The following DIP2C variants were observed in gnomAD, a reference collection of about 807,000 sequenced individuals.
DIP2C encodes disco-interacting protein 2 homolog C.
DIP2C carries 33 observed loss-of-function variants against 192.4 expected under a neutral mutation model. The observed-to-expected ratio is 0.17, with a 90% CI of 0.13 to 0.23. The LOEUF (loss-of-function observed/expected upper bound fraction) is 0.23, where lower values mean the gene tolerates loss of function less well. Ranked by LOEUF, DIP2C falls within the 10% of genes least tolerant of loss-of-function variation. The probability of loss-of-function intolerance (pLI) is 1.00; values close to 1 mark genes in which losing one functional copy is unlikely to be tolerated. For synonymous variants in DIP2C, 979 were observed against 864.1 expected (o/e 1.13, Z -2.33); for missense variants, 1,537 against 2,110.1 (o/e 0.73, Z 5.32).
At chr10:582,138 A>G (rs1850706975) in intron 1 of DIP2C, among the ~76,000 whole-genome samples, 1 of 152,120 alleles carries the variant, frequency 6.6e-6, no homozygotes, top group South Asian at 2.1e-4. Context: ...ATGCTCACTC[A>G]CCGGCCACCC....
At position 369,629 on chromosome 10, in the gene DIP2C, T is replaced by C. The variant is rs748667899; in HGVS notation, c.1996A>G (p.Thr666Ala). 1 of 1,614,122 alleles carries C rather than the reference T, an allele frequency of 6.2e-7. No individual in the cohort carries two copies. The highest frequency in any genetic ancestry group is 8.5e-7 in the Non-Finnish European group (1 of 1,179,998). The change falls in exon 18 of 37, where the codon ACG (threonine) becomes GCG (alanine). Residue 666 changes from threonine to alanine, a missense_variant. Thr to Ala is a moderately conservative substitution (Grantham distance 58, BLOSUM62 0). Transcript: ENST00000280886. ...CCCGGGGGCTGGTTACTGTCATCCG[T>C]GGGCCTGTAATGACAGTTTTTAACT... is the stretch of plus-strand genomic sequence containing the variant. ...EALTVAIRRP[T>A]DDSNQPPGRG... is the part of the protein sequence containing the mutation.
chr10:355,048 G>T (rs867996885), intron 24 of DIP2C, among the ~76,000 whole-genome samples: 34 of 152,036 alleles, frequency 2.2e-4, no homozygotes, highest in African/African-American at 8.0e-4. Flanking sequence ...AAAGTGGAAG[G>T]TGGGCATTTC....
At chr10:642,544 T>A (rs11815644) in intron 1 of DIP2C, among the ~76,000 whole-genome samples, 1 of 152,216 alleles carries the variant, frequency 6.6e-6, no homozygotes, top group East Asian at 1.9e-4. Context: ...TCCTAACACA[T>A]TGGCCAACAC....
intron 1 of DIP2C, among the ~76,000 whole-genome samples, chr10:614,577 G>A (rs371561428): frequency 2.0e-5 from 3 of 152,200 alleles, no homozygotes; most frequent in Admixed American, 6.5e-5. Context: ...AACTGGAAAC[G>A]TCCCAATCTG....
intron 2 of DIP2C, among the ~76,000 whole-genome samples, chr10:477,850 G>A (rs1386859595): frequency 1.4e-5 from 2 of 138,540 alleles, no homozygotes; most frequent in African/African-American, 5.5e-5. Context: ...AAGAAAAAAG[G>A]AGAAGTGAAG....
chr10:282,770 T>C (rs1954902078), intron 35 of DIP2C, among the ~76,000 whole-genome samples: 2 of 152,244 alleles, frequency 1.3e-5, no homozygotes, highest in Admixed American at 1.3e-4. Flanking sequence ...TACTCTCTGA[T>C]GAATGCATGG....
At position 364,430 on chromosome 10, in the gene DIP2C, G is replaced by A. The variant is rs373350397; in HGVS notation, c.2421C>T (p.Asp807=). The A allele has an allele frequency of 4.2e-5, 68 of 1,613,944 alleles. No individual in the cohort carries two copies. Among genetic ancestry groups the A allele is most frequent in the East Asian group, 4.0e-4 (18 of 44,896 alleles). Residue 807 remains aspartate, a synonymous_variant, in exon 20 of 37, where the codon GAC becomes GAT. Transcript: ENST00000280886. Reference sequence around the variant, plus strand: ...CGGCCAGCGCAGTGGCCACGATGTCGTCGGCGTTGTGCCTGCGCCCGCTGA... The same window carrying A: ...CGGCCAGCGCAGTGGCCACGATGTCATCGGCGTTGTGCCTGCGCCCGCTGA... ...MVVSGRRHNA[D]DIVATALAVE...
intron 1 of DIP2C, among the ~76,000 whole-genome samples, chr10:595,580 C>T (rs527963649): frequency 6.6e-6 from 1 of 152,090 alleles, no homozygotes; most frequent in African/African-American, 2.4e-5. Flanking sequence ...TACCTTGAAG[C>T]CTTTTTAGAA....
intron 2 of DIP2C, among the ~76,000 whole-genome samples, chr10:478,542 G>C (rs1843348255): frequency 6.6e-6 from 1 of 151,406 alleles, no homozygotes; most frequent in Admixed American, 6.6e-5. Flanking sequence ...GCATGCTGGG[G>C]GTGTAGACAC....
At chr10:398,164 C>T (rs1964142781) in intron 10 of DIP2C, among the ~76,000 whole-genome samples, 1 of 152,180 alleles carries the variant, frequency 6.6e-6, no homozygotes, top group Non-Finnish European at 1.5e-5. Context: ...CTTTCCAGGT[C>T]CTTTTCCTGA....
intron 2 of DIP2C, among the ~76,000 whole-genome samples, chr10:483,745 G>A (rs922895678): frequency 1.2e-4 from 19 of 152,336 alleles, no homozygotes; most frequent in African/African-American, 3.8e-4. Context: ...GCCAGGAGGC[G>A]AGGCGGGGTG....
chr10:363,935 G>C lies in DIP2C; in HGVS notation c.2477+439C>G, dbSNP rs773422094. ...GAACCGTGGCAACTTATTTCATCACGGAGCCTCCACTGTGCACCAGGCAAG... is the reference window on the plus strand; with the variant it reads ...GAACCGTGGCAACTTATTTCATCACCGAGCCTCCACTGTGCACCAGGCAAG... On this transcript the variant is annotated intron_variant, in intron 20 of 36. Transcript: ENST00000280886. This position sits in a 1 kb window ranked among gnomAD's most constrained non-coding sequence, Gnocchi z 5.4. Among the ~76,000 whole-genome samples the C allele has an allele frequency of 6.6e-6, 1 of 152,096 alleles. No individual in the cohort carries two copies. Among genetic ancestry groups the C allele is most frequent in the Non-Finnish European group, 1.5e-5 (1 of 68,028 alleles).
At chr10:307,997 G>C (rs1259719308) in intron 32 of DIP2C, among the ~76,000 whole-genome samples, 1 of 149,714 alleles carries the variant, frequency 6.7e-6, no homozygotes, top group Non-Finnish European at 1.5e-5. Flanking sequence ...GGGGTGCCTG[G>C]GCGGGGCCCA....
chr10:617,005 G>A (rs73588187), intron 1 of DIP2C, among the ~76,000 whole-genome samples: 1,701 of 152,192 alleles, frequency 0.011, 37 homozygotes, highest in African/African-American at 0.038. Flanking sequence ...GCCAGGGAGG[G>A]ACTGAGATTT....
At chr10:508,377 C>T (rs926275055) in intron 1 of DIP2C, among the ~76,000 whole-genome samples, 8 of 152,198 alleles carry the variant, frequency 5.3e-5, no homozygotes, top group African/African-American at 1.9e-4. Flanking sequence ...TACTCCCTTG[C>T]TCCCCAGCGT....
At chr10:571,198 G>A (rs957380221) in intron 1 of DIP2C, among the ~76,000 whole-genome samples, 3 of 152,222 alleles carry the variant, frequency 2.0e-5, no homozygotes, top group African/African-American at 7.2e-5. Context: ...AGAACCCACA[G>A]GGAGAAGCAC....
intron 24 of DIP2C, among the ~76,000 whole-genome samples, chr10:352,529 T>C (rs939019466): frequency 3.9e-5 from 6 of 152,160 alleles, no homozygotes; most frequent in African/African-American, 1.4e-4. Flanking sequence ...AAAAAGCCCC[T>C]TGAGATAGTG....
intron 1 of DIP2C, among the ~76,000 whole-genome samples, chr10:517,422 C>A (rs1164432122): frequency 1.3e-5 from 2 of 152,138 alleles, no homozygotes; most frequent in Non-Finnish European, 2.9e-5. Context: ...CTCTGGCCCA[C>A]CCAAGCCCGA....
intron 17 of DIP2C, among the ~76,000 whole-genome samples, chr10:371,753 G>T (rs1960990493): frequency 6.6e-6 from 1 of 152,130 alleles, no homozygotes; most frequent in Non-Finnish European, 1.5e-5. Flanking sequence ...GTCAGGCCTG[G>T]GGTGGGCCCC....
Sources: gnomAD v4.1 joint callset for allele counts (sites outside exome capture counted in the v4.1 genomes callset) on GRCh38, gnomAD v4.1.1 for gene constraint, Gnocchi (gnomAD v3.1) non-coding constraint, MANE v1.5 for transcripts, NCBI Gene and HGNC (gene_info 2026-07-23, HGNC 2026-07-21) for gene names.